PRIM2: variants seen among roughly 807,000 people sequenced by gnomAD.
PRIM2 encodes the protein DNA primase subunit 2.
In PRIM2, 39 loss-of-function variants were observed where a neutral mutation model predicts 67.3. The observed-to-expected ratio is 0.58, with a 90% confidence interval of 0.45 to 0.76. The LOEUF (loss-of-function observed/expected upper bound fraction) is 0.76, where lower values mean the gene tolerates loss of function less well. PRIM2 is among the 30% of genes least tolerant of loss of function. PRIM2 has a pLI of 0.00. For synonymous variants in PRIM2, 143 were observed against 198.7 expected, an observed-to-expected ratio of 0.72 and a Z score of 2.36; for missense variants, 398 against 598.7, an observed-to-expected ratio of 0.66 and a Z score of 3.50.
chr6:57,425,854 G>T (rs1252415784), intron 7 of PRIM2, among the ~76,000 whole-genome samples: 5 of 152,046 alleles, frequency 3.3e-5, no homozygotes, highest in Non-Finnish European at 2.9e-5. Flanking sequence ...GTCAGTTAAA[G>T]TATGGTAAAA....
At chr6:57,636,414 C>T (rs1777122496) in intron 13 of PRIM2, among the ~76,000 whole-genome samples, 1 of 152,048 alleles carries the variant, frequency 6.6e-6, no homozygotes, top group African/African-American at 2.4e-5. Flanking sequence ...CTTCCCCCCA[C>T]ATACAAAAAA....
the PRIM2 span, among the ~76,000 whole-genome samples, chr6:57,301,495 A>G: frequency 1.2e-4 from 19 of 152,120 alleles, no homozygotes; most frequent in African/African-American, 4.6e-4. Context: ...CTCAAAAACA[A>G]ACAAACAAAC....
chr6:57,239,609 G>A, the PRIM2 span, among the ~76,000 whole-genome samples: 1 of 152,110 alleles, frequency 6.6e-6, no homozygotes, highest in Non-Finnish European at 1.5e-5. Context: ...GGGTGTGGTG[G>A]CGCATGCCTG....
intron 7 of PRIM2, among the ~76,000 whole-genome samples, chr6:57,433,708 A>G (rs1489641829): frequency 6.6e-6 from 1 of 152,206 alleles, no homozygotes; most frequent in African/African-American, 2.4e-5. Flanking sequence ...AAATTATTCA[A>G]GACACTCAAA....
chr6:57,340,873 G>A (rs1023760381), intron 5 of PRIM2, among the ~76,000 whole-genome samples: 2 of 152,088 alleles, frequency 1.3e-5, no homozygotes, highest in East Asian at 3.9e-4. Flanking sequence ...TTAAAAAAAT[G>A]GTGTTGAGTC....
chr6:57,317,236 C>A (rs895808007), upstream of PRIM2, among the ~76,000 whole-genome samples: 1 of 152,066 alleles, frequency 6.6e-6, no homozygotes, highest in East Asian at 1.9e-4. Flanking sequence ...TTCCTCATTC[C>A]TCCCCAGATT....
chr6:57,297,412 C>T, the PRIM2 span, among the ~76,000 whole-genome samples: 1 of 152,032 alleles, frequency 6.6e-6, no homozygotes, highest in Non-Finnish European at 1.5e-5. Context: ...TGTGTTACTG[C>T]ACTTCAGCCT....
the PRIM2 span, among the ~76,000 whole-genome samples, chr6:57,261,356 G>A: frequency 3.3e-5 from 5 of 152,144 alleles, no homozygotes; most frequent in African/African-American, 1.2e-4. Context: ...TAGAAGAGAT[G>A]GCCGCTGCCA....
At position 57,640,358 on chromosome 6, in the gene PRIM2, T is replaced by C. The variant is rs1260232616; in HGVS notation, c.1300-5570T>C. 9.2e-5 allele frequency among the ~76,000 whole-genome samples: 14 copies of C among 152,244 alleles called. 1 individual carries two copies. The highest frequency in any genetic ancestry group is 2.0e-4 in the Admixed American group (3 of 15,290). On this transcript the variant is annotated intron_variant, in intron 13 of 13. Coordinates refer to ENST00000615550, the MANE Select transcript of PRIM2 (RefSeq NM_000947.5). ...AGGATGCCCTCTCTCACCACTCCTATTCAACACAACATTGGAAGTTCTAGC... is the reference window on the plus strand; with the variant it reads ...AGGATGCCCTCTCTCACCACTCCTACTCAACACAACATTGGAAGTTCTAGC...
At chr6:57,406,374 G>A (rs9367739) in intron 7 of PRIM2, among the ~76,000 whole-genome samples, 97 of 148,462 alleles carry the variant, frequency 6.5e-4, no homozygotes, top group African/African-American at 1.8e-3. Context: ...GCACATATAC[G>A]TTTAGGAATT....
intron 10 of PRIM2, among the ~76,000 whole-genome samples, chr6:57,555,434 C>G (rs1775494645): frequency 1.3e-5 from 2 of 152,054 alleles, no homozygotes. Flanking sequence ...TGTGCACCAC[C>G]ACGTCTGGCT....
chr6:57,633,791 G>C (rs1777073577), intron 13 of PRIM2, among the ~76,000 whole-genome samples: 1 of 152,078 alleles, frequency 6.6e-6, no homozygotes, highest in Non-Finnish European at 1.5e-5. Context: ...CTGCTGATCT[G>C]ACAGGAGGTG....
intron 3 of PRIM2, among the ~76,000 whole-genome samples, chr6:57,323,898 G>A (rs918749002): frequency 2.0e-5 from 3 of 152,098 alleles, no homozygotes. Flanking sequence ...ACCAGCCTAG[G>A]CAACATATTG....
At chr6:57,339,623 T>A (rs952271114) in intron 5 of PRIM2, among the ~76,000 whole-genome samples, 19 of 152,264 alleles carry the variant, frequency 1.2e-4, no homozygotes, top group African/African-American at 4.6e-4. Context: ...CCCTATTTAA[T>A]AAATGGTGCT....
At chr6:57,643,707 GTTAATAAAAAT>G (rs1777287136) in intron 13 of PRIM2, among the ~76,000 whole-genome samples, 1 of 152,120 alleles carries the variant, frequency 6.6e-6, no homozygotes, top group Non-Finnish European at 1.5e-5. Flanking sequence ...TGATTCCATT[GTTAATAAAAAT>G]TATAAAACAT....
At chr6:57,371,836 T>C (rs926364933) in intron 5 of PRIM2, among the ~76,000 whole-genome samples, 1 of 152,230 alleles carries the variant, frequency 6.6e-6, no homozygotes, top group Non-Finnish European at 1.5e-5. Flanking sequence ...TTAAAATAGC[T>C]ACTTCCTCTC....
rs1433997832 is a variant in PRIM2, at chr6:57,640,228, A to C, written c.1300-5700A>C. Reference sequence around the variant, plus strand: ...TCTCAATAAACTAGGTATTGATGGCACATATCTCAAAATAGTAAGAGCTAT... The same window carrying C: ...TCTCAATAAACTAGGTATTGATGGCCCATATCTCAAAATAGTAAGAGCTAT... On this transcript the variant is annotated intron_variant, in intron 13 of 13. Coordinates refer to ENST00000615550, the MANE Select transcript of PRIM2 (RefSeq NM_000947.5). Among the ~76,000 whole-genome samples, 3 of 152,160 alleles carry C rather than the reference A, an allele frequency of 2.0e-5. No individual in the cohort carries two copies. In the East Asian group the frequency reaches 5.8e-4, roughly 29 times the overall value.
At chr6:57,363,885 C>T (rs1305568521) in intron 5 of PRIM2, among the ~76,000 whole-genome samples, 1 of 152,104 alleles carries the variant, frequency 6.6e-6, no homozygotes, top group Non-Finnish European at 1.5e-5. Flanking sequence ...GTGTGTTAGT[C>T]AACTGTATTT....
chr6:57,308,894 G>A, the PRIM2 span, among the ~76,000 whole-genome samples: 1 of 149,394 alleles, frequency 6.7e-6, no homozygotes, highest in African/African-American at 2.5e-5. Context: ...TTTACTTTAA[G>A]TTCTGAGATA....
Sources: gnomAD v4.1 joint callset for allele counts (sites outside exome capture counted in the v4.1 genomes callset) on GRCh38, gnomAD v4.1.1 for gene constraint, MANE v1.5 for transcripts, NCBI Gene and HGNC (gene_info 2026-07-23, HGNC 2026-07-21) for gene names.